Variants in UNC79 observed in about 807,000 individuals in gnomAD.
UNC79 encodes the protein protein unc-79 homolog.
A neutral mutation model predicts 283.1 loss-of-function variants in UNC79; 37 were observed. That is an observed-to-expected ratio of 0.13 (90% confidence interval 0.10 to 0.17). The LOEUF is 0.17. Among genes scored for constraint, UNC79 ranks in the 10% least tolerant of loss-of-function variants. UNC79 has a pLI of 1.00. For missense variants in UNC79, 2,272 were observed against 3,211.1 expected (o/e 0.71, Z 7.07); for synonymous variants, 1,107 against 1,200.2 (o/e 0.92, Z 1.61).
At chr14:93,437,548 T>C (rs1222426153) in intron 1 of UNC79, 2 of 152,194 alleles carry the variant, frequency 1.3e-5, no homozygotes, top group Admixed American at 1.3e-4. Flanking sequence ...GCTGTATTAG[T>C]TTTCTAGAGC....
chr14:93,567,681 CG>C (rs2062974199), intron 14 of UNC79, among the ~76,000 whole-genome samples: 1 of 152,196 alleles, frequency 6.6e-6, no homozygotes, highest in African/African-American at 2.4e-5. Context: ...GCATTTAATT[CG>C]GCTGAAGTTT....
intron 1 of UNC79, among the ~76,000 whole-genome samples, chr14:93,394,420 A>ATTTTATTTTATTTTATTTT (rs2054949710): frequency 1.1e-5 from 1 of 89,960 alleles, no homozygotes; most frequent in Non-Finnish European, 2.6e-5. Flanking sequence ...TATCTTATTT[A>ATTTTATTTTATTTTATTTT]TTTTTTTTGA....
intron 5 of UNC79, among the ~76,000 whole-genome samples, chr14:93,493,522 G>A (rs904828883): frequency 1.3e-5 from 2 of 152,148 alleles, no homozygotes; most frequent in African/African-American, 4.8e-5. Context: ...GCACTTCAAA[G>A]GCAGGGACAA....
chr14:93,552,109 C>G (rs1439271362), intron 14 of UNC79, among the ~76,000 whole-genome samples: 1 of 152,154 alleles, frequency 6.6e-6, no homozygotes, highest in African/African-American at 2.4e-5. Context: ...TCAAATAGCA[C>G]CCAGTGATAA....
In UNC79 at chr14:93,404,226, T is replaced by G. The variant is rs530398837; in HGVS notation, c.-350-63445T>G. ...AGTCGTATTCAGTTGGGAAGAGGATTGAAATATTGAATGGTTTTAGAATTT... is the reference window on the plus strand; with the variant it reads ...AGTCGTATTCAGTTGGGAAGAGGATGGAAATATTGAATGGTTTTAGAATTT... On this transcript the variant is annotated intron_variant, in intron 1 of 49. Transcript: ENST00000256339. Among the ~76,000 whole-genome samples, 4 of 151,518 alleles carry G rather than the reference T, an allele frequency of 2.6e-5. No homozygotes were observed. The South Asian group carries it at 8.3e-4, about 32-fold the overall frequency.
intron 1 of UNC79, among the ~76,000 whole-genome samples, chr14:93,410,070 A>C (rs2055304491): frequency 6.6e-6 from 1 of 152,250 alleles, no homozygotes; most frequent in South Asian, 2.1e-4. Flanking sequence ...GCTAGAAAAG[A>C]GTTTTGAATC....
At chr14:93,456,066 C>G (rs534105820) in intron 1 of UNC79, among the ~76,000 whole-genome samples, 1 of 152,006 alleles carries the variant, frequency 6.6e-6, no homozygotes, top group South Asian at 2.1e-4. Flanking sequence ...CTTGGAAAAG[C>G]TGGAACATGT....
chr14:93,396,457 C>T (rs1197473136), intron 1 of UNC79, among the ~76,000 whole-genome samples: 8 of 152,130 alleles, frequency 5.3e-5, no homozygotes, highest in East Asian at 1.9e-4. Context: ...GTTTTCCTTA[C>T]GTATGGCCCA....
At chr14:93,580,278 G>A (rs1252318253) in exon 19 of UNC79, 2 of 1,614,176 alleles carry the variant, frequency 1.2e-6, no homozygotes, top group Admixed American at 1.7e-5. Flanking sequence ...GGACGAAAAA[G>A]CAATCGAGTG....
intron 1 of UNC79, among the ~76,000 whole-genome samples, chr14:93,373,046 A>G (rs1595399841): frequency 6.6e-6 from 1 of 152,378 alleles, no homozygotes; most frequent in East Asian, 1.9e-4. Context: ...TGGAGAGGAA[A>G]CAACACACTT....
intron 4 of UNC79, among the ~76,000 whole-genome samples, chr14:93,481,190 A>G (rs1266403487): frequency 6.6e-6 from 1 of 152,196 alleles, no homozygotes; most frequent in Non-Finnish European, 1.5e-5. Flanking sequence ...TTCCTTTGAC[A>G]TAGCTTTTCT....
intron 26 of UNC79, among the ~76,000 whole-genome samples, chr14:93,608,809 G>T (rs1264716478): frequency 6.6e-6 from 1 of 152,146 alleles, no homozygotes; most frequent in Non-Finnish European, 1.5e-5. Flanking sequence ...CTCTTATACA[G>T]AATGTAAGCT....
chr14:93,588,572 T>C (rs1305037631), intron 22 of UNC79, among the ~76,000 whole-genome samples: 1 of 151,106 alleles, frequency 6.6e-6, no homozygotes, highest in Non-Finnish European at 1.5e-5. Flanking sequence ...AACCCTGTCT[T>C]TACTAAAAAT....
exon 30 of UNC79, chr14:93,622,340 A>G (rs760990057): frequency 6.2e-6 from 10 of 1,614,172 alleles, no homozygotes; most frequent in Non-Finnish European, 7.6e-6. Context: ...GGACTCAGGA[A>G]ATAATCAGTC....
At chr14:93,700,958 A>T (rs2075485459) in intron 47 of UNC79, among the ~76,000 whole-genome samples, 1 of 152,094 alleles carries the variant, frequency 6.6e-6, no homozygotes, top group African/African-American at 2.4e-5. Context: ...ACTGGTCAGC[A>T]CTCAGCTGAA....
intron 1 of UNC79, among the ~76,000 whole-genome samples, chr14:93,376,109 G>A (rs1426777161): frequency 6.6e-6 from 1 of 152,146 alleles, no homozygotes; most frequent in Non-Finnish European, 1.5e-5. Context: ...TTATAAATTA[G>A]CCAGTTTGAG....
At chr14:93,401,280 A>G (rs2055103003) in intron 1 of UNC79, among the ~76,000 whole-genome samples, 2 of 152,200 alleles carry the variant, frequency 1.3e-5, no homozygotes, top group African/African-American at 2.4e-5. Flanking sequence ...AGCTTTGATA[A>G]ACAACTCACA....
rs1358290950 is a variant in UNC79, at chr14:93,695,849, C to T, written c.7548+1437C>T. Reference sequence around the variant, plus strand: ...GAGGTTGCAGTGAGCCTAGATTTTGCCACTGCAGTCCAGCCTGGGCAACAG... The same window carrying T: ...GAGGTTGCAGTGAGCCTAGATTTTGTCACTGCAGTCCAGCCTGGGCAACAG... On this transcript the variant is annotated intron_variant, in intron 47 of 48. Transcript: ENST00000555664. Among the ~76,000 whole-genome samples, 3 of 130,968 alleles carry T rather than the reference C, an allele frequency of 2.3e-5. No individual in the cohort carries two copies. In the East Asian group the frequency reaches 6.3e-4, roughly 28 times the overall value. The allele number at this position is 130,968 out of a possible 152,430, so 85.9% of individuals were successfully genotyped here. A position where few individuals can be genotyped will look rare whatever the true frequency, so the allele number is the denominator to read the frequency against.
chr14:93,498,684 T>G (rs2059144020), intron 7 of UNC79, among the ~76,000 whole-genome samples: 1 of 151,972 alleles, frequency 6.6e-6, no homozygotes, highest in African/African-American at 2.4e-5. Context: ...GAAAAGAACA[T>G]TAACTTTAAA....
Sources: gnomAD v4.1 joint callset for allele counts (sites outside exome capture counted in the v4.1 genomes callset) on GRCh38, gnomAD v4.1.1 for gene constraint, MANE v1.5 for transcripts, NCBI Gene and HGNC (gene_info 2026-07-23, HGNC 2026-07-21) for gene names.